Variants in SFXN5 observed in about 807,000 individuals in gnomAD.
SFXN5 encodes sideroflexin 5.
Under a neutral mutation model 50.2 loss-of-function variants are expected in SFXN5, and 43 were observed. That is an observed-to-expected ratio of 0.86 (90% CI 0.67 to 1.11). The LOEUF is 1.11. Among genes scored for constraint, SFXN5 ranks in the 50% least tolerant of loss-of-function variants. The pLI, the probability that SFXN5 is intolerant of heterozygous loss-of-function variation, is 0.00. For synonymous variants in SFXN5, 203 were observed against 185.8 expected, an observed-to-expected ratio of 1.09 and a Z score of -0.75; for missense variants, 463 against 454.1, an observed-to-expected ratio of 1.02 and a Z score of -0.18.
At chr2:73,015,227 T>C (rs1415058078) in intron 6 of SFXN5, among the ~76,000 whole-genome samples, 2 of 152,234 alleles carry the variant, frequency 1.3e-5, no homozygotes, top group African/African-American at 4.8e-5. Context: ...GGAAATCATG[T>C]TTCTCCTTCA....
At chr2:73,037,858 T>C (rs1038828792) in intron 3 of SFXN5, among the ~76,000 whole-genome samples, 17 of 152,198 alleles carry the variant, frequency 1.1e-4, no homozygotes, top group Non-Finnish European at 2.1e-4. Context: ...CATTTACCCT[T>C]TTTCAGGAAG....
At chr2:72,971,480 G>A in intron 11 of SFXN5, 90 bp downstream of exon 11, 1 of 877,156 alleles carries the variant, frequency 1.1e-6, no homozygotes, top group Non-Finnish European at 1.8e-6. Context: ...GGGTACCCTG[G>A]ATAGAAGCCT....
At chr2:72,990,045 G>A (rs1319068746) in intron 9 of SFXN5, among the ~76,000 whole-genome samples, 2 of 152,264 alleles carry the variant, frequency 1.3e-5, no homozygotes, top group African/African-American at 4.8e-5. Flanking sequence ...GCTGCCAGGC[G>A]CCTGCCGCTG....
At chr2:72,957,313 C>G (rs567831699) in intron 13 of SFXN5, among the ~76,000 whole-genome samples, 1 of 152,326 alleles carries the variant, frequency 6.6e-6, no homozygotes, top group Admixed American at 6.5e-5. Flanking sequence ...CAATAGATAT[C>G]TGGCAAATGG....
intron 11 of SFXN5, among the ~76,000 whole-genome samples, chr2:72,969,990 G>A (rs1674961752): frequency 1.3e-5 from 2 of 152,128 alleles, no homozygotes; most frequent in South Asian, 4.1e-4. Context: ...GCCCTCAGAG[G>A]AGGCTCCAGG....
chr2:73,007,940 C>T (rs1019854380), intron 6 of SFXN5, among the ~76,000 whole-genome samples: 5 of 152,174 alleles, frequency 3.3e-5, no homozygotes, highest in East Asian at 1.9e-4. Context: ...TTCACTGGAG[C>T]GACACCTCCT....
At chr2:73,006,420 G>A (rs1427393638) in intron 6 of SFXN5, among the ~76,000 whole-genome samples, 3 of 152,132 alleles carry the variant, frequency 2.0e-5, no homozygotes, top group African/African-American at 2.4e-5. Flanking sequence ...TCAGGAGTTC[G>A]AGACCAGCCT....
intron 10 of SFXN5, among the ~76,000 whole-genome samples, chr2:72,986,856 CT>C (rs572122676): frequency 4.6e-5 from 7 of 152,158 alleles, no homozygotes; most frequent in Non-Finnish European, 5.9e-5. Context: ...CCACATATAC[CT>C]GTGCGCCCAC....
Position 73,058,558 on chromosome 2 carries a change from G to A in SFXN5, c.141C>T (p.Ile47=), listed in dbSNP as rs758555177. 1.9e-6 allele frequency: 3 copies of A among 1,614,098 alleles called. No individual in the cohort carries two copies. In the South Asian group the frequency reaches 3.3e-5, roughly 18 times the overall value. ...FYGRFRHFLD[I]IDPRTLFVTE... is the part of the protein sequence containing the mutation. ...TGACAAAGAGTGTGCGAGGGTCGAT[G>A]ATATCCAAGAAGTGCCTGAAGCGGC... Residue 47 remains isoleucine (I), a synonymous_variant, in exon 2 of 14, where the codon ATC becomes ATT. Coordinates refer to ENST00000272433, the MANE Select transcript of SFXN5 (RefSeq NM_144579.3).
chr2:72,950,717 G>A lies in SFXN5; in HGVS notation c.946-5618C>T, dbSNP rs1672438502. The stretch of plus-strand genomic sequence containing the variant: ...GCCTGGCAGTGGCCTCTGGACCCAT[G>A]GATAAGTGAAAGTGACTCAGGTCTG... On this transcript the variant is annotated intron_variant, in intron 13 of 13. Coordinates refer to ENST00000272433, the MANE Select transcript of SFXN5 (RefSeq NM_144579.3). This position sits in a 1 kb window ranked among gnomAD's most constrained non-coding sequence, Gnocchi z 4.2. Among the ~76,000 whole-genome samples the A allele has an allele frequency of 6.6e-6, 1 of 152,246 alleles. No homozygotes were observed. Among genetic ancestry groups the A allele is most frequent in the African/African-American group, 2.4e-5 (1 of 41,466 alleles).
intron 2 of SFXN5, among the ~76,000 whole-genome samples, chr2:73,042,903 T>C (rs186731916): frequency 6.6e-6 from 1 of 151,624 alleles, no homozygotes; most frequent in Admixed American, 6.6e-5. Flanking sequence ...CCATCTCTAT[T>C]AAAAATACAA....
intron 3 of SFXN5, among the ~76,000 whole-genome samples, chr2:73,033,655 G>C (rs1436172088): frequency 6.6e-6 from 1 of 152,256 alleles, no homozygotes; most frequent in Non-Finnish European, 1.5e-5. Context: ...AAGGAGACCA[G>C]TGTGACTGCA....
intron 2 of SFXN5, among the ~76,000 whole-genome samples, chr2:73,041,225 A>C (rs1489312787): frequency 1.3e-5 from 2 of 152,266 alleles, no homozygotes; most frequent in Non-Finnish European, 2.9e-5. Flanking sequence ...CCAAATAAAC[A>C]ACACACACAT....
intron 12 of SFXN5, among the ~76,000 whole-genome samples, chr2:72,963,329 G>T (rs1373825132): frequency 1.3e-5 from 2 of 152,178 alleles, no homozygotes; most frequent in African/African-American, 4.8e-5. Context: ...CTGCTGGTGG[G>T]GACACTAGAC....
chr2:73,023,249 C>A, intron 3 of SFXN5, 35 bp from the exon 4 acceptor site: 1 of 1,577,404 alleles, frequency 6.3e-7, no homozygotes, highest in Non-Finnish European at 8.6e-7. Flanking sequence ...AAATAAAGAA[C>A]AAAAATTAAA....
At chr2:72,965,558 C>T (rs1674290849) in intron 12 of SFXN5, among the ~76,000 whole-genome samples, 1 of 152,160 alleles carries the variant, frequency 6.6e-6, no homozygotes, top group Non-Finnish European at 1.5e-5. Context: ...GGGGCATCAG[C>T]TATAAACATT....
chr2:72,957,713 T>C lies in SFXN5; in HGVS notation c.945+3418A>G, dbSNP rs1262857257. 3.3e-5 allele frequency among the ~76,000 whole-genome samples: 5 copies of C among 152,252 alleles called. No homozygotes were observed. In the East Asian group the frequency reaches 5.8e-4, roughly 18 times the overall value. On this transcript the variant is annotated intron_variant, in intron 13 of 13. Transcript: ENST00000272433. ...GAAGCACCTTGTTAGGGAGAATTAA[T>C]TGGGAGAGTGAATGCGGAAACAAGG...
At chr2:72,969,071 G>C (rs1361179426) in intron 11 of SFXN5, among the ~76,000 whole-genome samples, 1 of 151,922 alleles carries the variant, frequency 6.6e-6, no homozygotes, top group Non-Finnish European at 1.5e-5. Context: ...GCATCCCAAA[G>C]TACTGGGATT....
chr2:73,025,158 C>CA (rs988795258), intron 3 of SFXN5, among the ~76,000 whole-genome samples: 25 of 150,826 alleles, frequency 1.7e-4, no homozygotes, highest in South Asian at 6.3e-4. Context: ...ACAACAACAA[C>CA]AAAAAAAAAC....
Sources: allele counts gnomAD v4.1 joint callset (sites outside exome capture counted in the v4.1 genomes callset), GRCh38; gene constraint gnomAD v4.1.1; non-coding constraint Gnocchi (gnomAD v3.1); transcripts MANE v1.5; gene names NCBI Gene and HGNC (gene_info 2026-07-23, HGNC 2026-07-21).